Variants in EIF4ENIF1 observed in about 807,000 individuals in gnomAD.
The protein encoded by EIF4ENIF1 is eukaryotic translation initiation factor 4E transporter.
In EIF4ENIF1, 23 loss-of-function variants were observed where a neutral mutation model predicts 110.5. The observed-to-expected ratio is 0.21, with a 90% CI of 0.15 to 0.29. EIF4ENIF1 has a LOEUF of 0.29. EIF4ENIF1 is among the 10% of genes least tolerant of loss of function. EIF4ENIF1 has a pLI of 1.00. For missense variants in EIF4ENIF1, 1,031 were observed against 1,221.1 expected, an observed-to-expected ratio of 0.84 and a Z score of 2.32; for synonymous variants, 440 against 437.0, an observed-to-expected ratio of 1.01 and a Z score of -0.09.
intron 6 of EIF4ENIF1, among the ~76,000 whole-genome samples, chr22:31,459,915 G>C (rs781261673): frequency 1.3e-4 from 20 of 152,060 alleles, no homozygotes; most frequent in Non-Finnish European, 2.5e-4. Context: ...AAATAAGGAG[G>C]TGCCACTACC....
intron 1 of EIF4ENIF1, chr22:31,489,369 G>C (rs1179981571): frequency 6.6e-6 from 1 of 152,144 alleles, no homozygotes; most frequent in East Asian, 1.9e-4. Flanking sequence ...TCCTTCGGAG[G>C]AAGGGCGGAG....
chr22:31,473,761 G>GT (rs1355878242), intron 2 of EIF4ENIF1, among the ~76,000 whole-genome samples: 4 of 152,164 alleles, frequency 2.6e-5, no homozygotes, highest in Non-Finnish European at 5.9e-5. Flanking sequence ...GGATCATTTG[G>GT]TCAAGGTATT....
intron 4 of EIF4ENIF1, among the ~76,000 whole-genome samples, chr22:31,464,379 G>A (rs746632276): frequency 6.6e-6 from 1 of 151,912 alleles, no homozygotes; most frequent in Non-Finnish European, 1.5e-5. Context: ...ACAAAGAAAT[G>A]AACTTAAATC....
intron 2 of EIF4ENIF1, among the ~76,000 whole-genome samples, chr22:31,482,968 G>A (rs2051877573): frequency 6.6e-6 from 1 of 151,732 alleles, no homozygotes; most frequent in African/African-American, 2.4e-5. Flanking sequence ...AGGTTGCAGT[G>A]AGCCGACATA....
At chr22:31,450,861 A>T in intron 10 of EIF4ENIF1, 1 of 155,942 alleles carries the variant, frequency 6.4e-6, no homozygotes, top group Non-Finnish European at 1.4e-5. Context: ...ACACACACAC[A>T]CACACACACA....
chr22:31,462,781 C>G (rs551395675), intron 6 of EIF4ENIF1, 151 bp downstream of exon 6: 1 of 710,834 alleles, frequency 1.4e-6, no homozygotes, highest in African/African-American at 1.8e-5. Context: ...CGGGGTTTCA[C>G]CATGTTGGCC....
intron 2 of EIF4ENIF1, among the ~76,000 whole-genome samples, chr22:31,485,675 A>G (rs2051989440): frequency 6.6e-6 from 1 of 151,684 alleles, no homozygotes. Context: ...ATGGTGGTGC[A>G]TGCCTGTAAT....
In EIF4ENIF1 at chr22:31,450,797, TACATAC is replaced by T. The variant is rs200615107; in HGVS notation, c.1513-443_1513-438del. The T allele has an allele frequency of 1.0e-3, 215 of 206,130 alleles. 3 individuals are homozygous for T. The East Asian group carries it at 0.022, about 21-fold the overall frequency. 12.8% of individuals were successfully genotyped at this position (206,130 alleles called of 1,614,324 possible). On this transcript the variant is annotated intron_variant, in intron 10 of 18. Coordinates refer to ENST00000330125, the MANE Select transcript of EIF4ENIF1 (RefSeq NM_019843.4). ...ATATATACACACACATATACACATATACATACACATACATATACACACATACATACA... is the reference window on the plus strand; with the variant it reads ...ATATATACACACACATATACACATATACATACATATACACACATACATACA...
intron 2 of EIF4ENIF1, among the ~76,000 whole-genome samples, chr22:31,475,012 A>G (rs1176951065): frequency 1.3e-5 from 2 of 152,214 alleles, no homozygotes; most frequent in Non-Finnish European, 2.9e-5. Context: ...CACTGGGTAT[A>G]GCATACCATG....
chr22:31,447,136 C>T, intron 14 of EIF4ENIF1: 1 of 397,448 alleles, frequency 2.5e-6, no homozygotes, highest in Non-Finnish European at 4.7e-6. Flanking sequence ...ATTAGGCGAG[C>T]AGCATCCCTT....
At position 31,470,374 on chromosome 22, in the gene EIF4ENIF1, G is replaced by A. The variant is rs148789087; in HGVS notation, c.170+1470C>T. 5.5e-3 allele frequency among the ~76,000 whole-genome samples: 838 copies of A among 151,146 alleles called. 6 individuals are homozygous for A. The highest frequency in any genetic ancestry group is 0.019 in the African/African-American group (780 of 41,250). ...AGGATCAACGCAACCTCCACCTCCC[G>A]GGTTCAAGCGATTCTCCTGCCTCAG... On this transcript the variant is annotated intron_variant, in intron 3 of 18. Coordinates refer to ENST00000330125, the MANE Select transcript of EIF4ENIF1 (RefSeq NM_019843.4).
chr22:31,481,656 A>G (rs994194751), intron 2 of EIF4ENIF1, among the ~76,000 whole-genome samples: 1 of 152,182 alleles, frequency 6.6e-6, no homozygotes, highest in Non-Finnish European at 1.5e-5. Context: ...ATTGGCTTCA[A>G]GTCTTCTGAT....
chr22:31,484,470 CCAA>C (rs1386374158), intron 2 of EIF4ENIF1, among the ~76,000 whole-genome samples: 1 of 151,946 alleles, frequency 6.6e-6, no homozygotes, highest in Non-Finnish European at 1.5e-5. Context: ...TCTCATCTGG[CCAA>C]CGTGTTTTTT....
chr22:31,457,679 C>A (rs2050871641), intron 7 of EIF4ENIF1, among the ~76,000 whole-genome samples: 1 of 152,076 alleles, frequency 6.6e-6, no homozygotes, highest in Admixed American at 6.6e-5. Flanking sequence ...CCAAATTAAG[C>A]CACAATATAC....
At chr22:31,477,096 C>T (rs2051603625) in intron 2 of EIF4ENIF1, among the ~76,000 whole-genome samples, 1 of 151,170 alleles carries the variant, frequency 6.6e-6, no homozygotes, top group Non-Finnish European at 1.5e-5. Flanking sequence ...GCGCTCTAGC[C>T]CGAGTGACAG....
intron 12 of EIF4ENIF1, among the ~76,000 whole-genome samples, chr22:31,449,069 G>A (rs2145921900): frequency 6.6e-6 from 1 of 152,250 alleles, no homozygotes; most frequent in East Asian, 1.9e-4. Flanking sequence ...GGAGTACAGT[G>A]GCGTGATCTT....
chr22:31,455,753 C>T lies in EIF4ENIF1; in HGVS notation c.1099+99G>A, dbSNP rs924983202. The T allele has an allele frequency of 1.1e-5, 16 of 1,499,068 alleles. No homozygotes were observed. The African/African-American group carries it at 1.9e-4, about 18-fold the overall frequency. 92.9% of individuals were successfully genotyped at this position (1,499,068 alleles called of 1,614,324 possible). A position where few individuals can be genotyped will look rare whatever the true frequency, so the allele number is the denominator to read the frequency against. On this transcript the variant is annotated intron_variant, in intron 8 of 18. Coordinates refer to ENST00000330125, the MANE Select transcript of EIF4ENIF1 (RefSeq NM_019843.4). ...AAGGCTTTTCAGTTGTCCAGAGACC[C>T]TTTGACCCTAATTGACTCCTGACTA... is the stretch of plus-strand genomic sequence containing the variant.
Position 31,454,504 on chromosome 22 carries a change from C to CT in EIF4ENIF1, c.1280-129dup, listed in dbSNP as rs2145946659. 3 of 765,362 alleles carry CT rather than the reference C, an allele frequency of 3.9e-6. No individual in the cohort carries two copies. The Middle Eastern group carries it at 1.1e-3, about 293-fold the overall frequency. The allele number at this position is 765,362 out of a possible 1,614,324, so 47.4% of individuals were successfully genotyped here. A position where few individuals can be genotyped will look rare whatever the true frequency, so the allele number is the denominator to read the frequency against. On this transcript the variant is annotated intron_variant, in intron 9 of 18. Coordinates refer to ENST00000330125, the MANE Select transcript of EIF4ENIF1 (RefSeq NM_019843.4). ...ATTGAGATGAGACTGTCAGAAAAGA[C>CT]TGACACCAAAAATAAACTAATAACA...
chr22:31,449,557 G>C (rs2050584943), intron 11 of EIF4ENIF1, 26 bp from the exon 12 acceptor site: 1 of 1,599,074 alleles, frequency 6.3e-7, no homozygotes, highest in East Asian at 2.2e-5. Flanking sequence ...CCAAATCCCT[G>C]TGAACTTAGT....
Sources: gnomAD v4.1 joint callset for allele counts (sites outside exome capture counted in the v4.1 genomes callset) on GRCh38, gnomAD v4.1.1 for gene constraint, MANE v1.5 for transcripts, NCBI Gene and HGNC (gene_info 2026-07-23, HGNC 2026-07-21) for gene names.